KIDINS220: variants seen among roughly 807,000 people sequenced by gnomAD.
KIDINS220 encodes the protein kinase D interacting substrate 220.
In KIDINS220, 63 loss-of-function variants were observed where a neutral mutation model predicts 157.6. The observed-to-expected ratio is 0.40, with a 90% confidence interval of 0.33 to 0.49. KIDINS220 has a LOEUF of 0.49. Among genes scored for constraint, KIDINS220 ranks in the 20% least tolerant of loss-of-function variants. The pLI, the probability that KIDINS220 is intolerant of heterozygous loss-of-function variation, is 0.66. For missense variants in KIDINS220, 1,772 were observed against 2,171.2 expected, an observed-to-expected ratio of 0.82 and a Z score of 3.65; for synonymous variants, 732 against 783.6, an observed-to-expected ratio of 0.93 and a Z score of 1.10.
intron 26 of KIDINS220, chr2:8,740,086 A>AAG: frequency 1.5e-6 from 1 of 655,352 alleles, no homozygotes; most frequent in East Asian, 1.4e-4. Context: ...GCCCAGCATG[A>AAG]AGTTGCCAAT....
At position 8,758,987 on chromosome 2, in the gene KIDINS220, G is replaced by C. The variant is rs181817809; in HGVS notation, c.3012-7343C>G. ...GAAGAGAAAAGAGGCATCTATGCTC[G>C]TGTGGTGGTCACAGAATATTCTCAA... On this transcript the variant is annotated intron_variant, in intron 22 of 29. Transcript: ENST00000256707. 3.9e-5 allele frequency among the ~76,000 whole-genome samples: 6 copies of C among 152,324 alleles called. No homozygotes were observed. In the East Asian group the frequency reaches 1.2e-3, roughly 29 times the overall value.
chr2:8,745,894 T>C (rs974549828), intron 26 of KIDINS220, among the ~76,000 whole-genome samples: 1 of 152,166 alleles, frequency 6.6e-6, no homozygotes, highest in Admixed American at 6.5e-5. Context: ...CTAACTGCTA[T>C]GCCACATTTC....
At chr2:8,776,703 G>A (rs1462120982) in intron 21 of KIDINS220, 45 bp downstream of exon 21, 1 of 1,550,070 alleles carries the variant, frequency 6.5e-7, no homozygotes, top group Non-Finnish European at 8.8e-7. Context: ...TTTTGTGAAT[G>A]CTAAAGCTTA....
At chr2:8,819,249 T>C (rs1473504215) in intron 2 of KIDINS220, among the ~76,000 whole-genome samples, 5 of 152,242 alleles carry the variant, frequency 3.3e-5, no homozygotes, top group African/African-American at 9.6e-5. Flanking sequence ...AACCAGGTGC[T>C]ATGTATAATA....
intron 9 of KIDINS220, among the ~76,000 whole-genome samples, chr2:8,798,501 C>G (rs1343434178): frequency 6.6e-6 from 1 of 152,128 alleles, no homozygotes; most frequent in Non-Finnish European, 1.5e-5. Flanking sequence ...ATTACTTAAC[C>G]TAAAAAGTAG....
intron 2 of KIDINS220, among the ~76,000 whole-genome samples, chr2:8,825,372 CA>C (rs369409976): frequency 4.6e-5 from 5 of 108,662 alleles, no homozygotes; most frequent in Admixed American, 3.3e-4. Context: ...GACTCCGTCT[CA>C]AAAAAAAAAA....
chr2:8,811,436 G>A (rs1261584573), intron 6 of KIDINS220, among the ~76,000 whole-genome samples: 1 of 152,184 alleles, frequency 6.6e-6, no homozygotes, highest in Non-Finnish European at 1.5e-5. Context: ...GGGGCACCTA[G>A]GGTAAGGAGA....
intron 12 of KIDINS220, among the ~76,000 whole-genome samples, chr2:8,792,979 T>C (rs1673414274): frequency 6.6e-6 from 1 of 152,212 alleles, no homozygotes; most frequent in Non-Finnish European, 1.5e-5. Context: ...TTTAAGCTTT[T>C]GTAACATATT....
chr2:8,811,534 G>A (rs1676311252), intron 6 of KIDINS220, among the ~76,000 whole-genome samples: 1 of 152,108 alleles, frequency 6.6e-6, no homozygotes, highest in African/African-American at 2.4e-5. Context: ...TCCTAGCAGA[G>A]GGAACAGAAT....
intron 26 of KIDINS220, among the ~76,000 whole-genome samples, chr2:8,739,312 A>G (rs1665312320): frequency 6.6e-6 from 1 of 152,212 alleles, no homozygotes; most frequent in South Asian, 2.1e-4. Flanking sequence ...ACATAGGGAC[A>G]TTAAGATCTT....
At chr2:8,805,467 T>C (rs1230204684) in intron 7 of KIDINS220, among the ~76,000 whole-genome samples, 1 of 151,998 alleles carries the variant, frequency 6.6e-6, no homozygotes. Context: ...TAACATAAGC[T>C]CAAGTGTGGT....
At chr2:8,756,988 T>C (rs188988031) in intron 22 of KIDINS220, among the ~76,000 whole-genome samples, 112 of 152,304 alleles carry the variant, frequency 7.4e-4, no homozygotes, top group Admixed American at 5.0e-3. Context: ...GATCTCAATG[T>C]CAGGCCTACA....
At chr2:8,770,002 A>T (rs1388015220) in intron 22 of KIDINS220, among the ~76,000 whole-genome samples, 1 of 152,244 alleles carries the variant, frequency 6.6e-6, no homozygotes, top group Admixed American at 6.5e-5. Flanking sequence ...TTACTTAGAA[A>T]ACATTAAATG....
At chr2:8,823,759 A>AATATGCTAAC (rs1678345937) in intron 2 of KIDINS220, among the ~76,000 whole-genome samples, 1 of 152,312 alleles carries the variant, frequency 6.6e-6, no homozygotes, top group Admixed American at 6.5e-5. Flanking sequence ...GGTTATTCCA[A>AATATGCTAAC]ATATGCTAAC....
In KIDINS220 at chr2:8,731,994, G is replaced by GAAAA; in HGVS notation, c.4054-16_4054-13dup. 1 of 1,503,056 alleles carries GAAAA rather than the reference G, an allele frequency of 6.7e-7. No homozygotes were observed. 93.1% of individuals were successfully genotyped at this position (1,503,056 alleles called of 1,614,324 possible). ...CTGCGAGTTTGTGACTGTGAAGACA[G>GAAAA]AAAAAAAATAATTTAAAAATTCAAA... On this transcript the variant is annotated splice_polypyrimidine_tract_variant and intron_variant, in intron 29 of 29. Transcript: ENST00000256707. This position sits in a 1 kb window ranked among gnomAD's most constrained non-coding sequence, Gnocchi z 5.2.
At chr2:8,832,661 T>A (rs1679819874) in intron 1 of KIDINS220, among the ~76,000 whole-genome samples, 1 of 152,242 alleles carries the variant, frequency 6.6e-6, no homozygotes, top group South Asian at 2.1e-4. Context: ...TTACTTGATG[T>A]ATTAAGTCTA....
chr2:8,796,738 C>T (rs751153125), intron 11 of KIDINS220, 33 bp downstream of exon 11: 2 of 1,528,338 alleles, frequency 1.3e-6, no homozygotes, highest in Middle Eastern at 1.7e-4. Flanking sequence ...CAACAGCTTT[C>T]CATACAGTGT....
At position 8,812,433 on chromosome 2, in the gene KIDINS220, A is replaced by C. The variant is rs764894899; in HGVS notation, c.466T>G (p.Leu156Val). Residue 156 changes from leucine (L) to valine (V), a missense_variant, in exon 6 of 30, where the codon TTA becomes GTA. Leu to Val is a conservative substitution (Grantham distance 32). This residue lies in a region of KIDINS220 where 254 missense variants were observed against 268.6 expected (regional missense o/e 0.95). Coordinates refer to ENST00000256707, the MANE Select transcript of KIDINS220 (RefSeq NM_020738.4). The part of the protein sequence containing the change: ...GRGHADIVHL[L>V]LQNGAKVNCS... ...TTGACTTTAGCACCATTTTGCAGTAAAAGATGAACTATATCTGCATGGCCT... is the reference window on the plus strand; with the variant it reads ...TTGACTTTAGCACCATTTTGCAGTACAAGATGAACTATATCTGCATGGCCT... 1.3e-6 allele frequency: 2 copies of C among 1,599,668 alleles called. No individual in the cohort carries two copies. Among genetic ancestry groups the C allele is most frequent in the East Asian group, 4.6e-5 (2 of 43,698 alleles).
At chr2:8,814,506 T>G (rs74722969) in intron 4 of KIDINS220, among the ~76,000 whole-genome samples, 25,174 of 151,476 alleles carry the variant, frequency 0.17, 2,196 homozygotes, top group Middle Eastern at 0.27. Context: ...ACAGATAGAG[T>G]AGGGTGTGGG....
Sources: allele counts gnomAD v4.1 joint callset (sites outside exome capture counted in the v4.1 genomes callset), GRCh38; gene constraint gnomAD v4.1.1; regional missense constraint gnomAD v4.1.1; non-coding constraint Gnocchi (gnomAD v3.1); transcripts MANE v1.5; gene names NCBI Gene and HGNC (gene_info 2026-07-23, HGNC 2026-07-21).